Variants in KLHL28 observed in about 807,000 individuals in gnomAD.
KLHL28 encodes the protein kelch-like protein 28.
KLHL28 carries 22 observed loss-of-function variants against 48.3 expected under a neutral mutation model. That is an observed-to-expected ratio of 0.46 (90% confidence interval 0.33 to 0.65). KLHL28 has a LOEUF of 0.65. Among genes scored for constraint, KLHL28 ranks in the 30% least tolerant of loss-of-function variants. The pLI, the probability that KLHL28 is intolerant of heterozygous loss-of-function variation, is 0.03. For synonymous variants in KLHL28, 243 were observed against 242.4 expected (o/e 1.00, Z -0.02); for missense variants, 527 against 704.3 (o/e 0.75, Z 2.85).
intron 4 of KLHL28, 62 bp downstream of exon 4, chr14:44,931,271 G>A (rs1261280867): frequency 7.6e-6 from 7 of 915,312 alleles, no homozygotes; most frequent in African/African-American, 1.8e-5. Flanking sequence ...AACTATTATT[G>A]CAAGCACATC....
intron 4 of KLHL28, among the ~76,000 whole-genome samples, chr14:44,930,475 G>C (rs1883537453): frequency 6.6e-6 from 1 of 152,048 alleles, no homozygotes; most frequent in Non-Finnish European, 1.5e-5. Flanking sequence ...TGTTGCCCAG[G>C]CTGGTCTTGA....
intron 2 of KLHL28, among the ~76,000 whole-genome samples, chr14:44,941,407 A>T (rs886988713): frequency 2.0e-5 from 3 of 151,446 alleles, no homozygotes; most frequent in African/African-American, 7.3e-5. Flanking sequence ...TGAGGTGGGC[A>T]GATCACCTGA....
chr14:44,940,412 T>C (rs536814672), intron 2 of KLHL28, among the ~76,000 whole-genome samples: 4 of 152,360 alleles, frequency 2.6e-5, no homozygotes, highest in African/African-American at 9.6e-5. Flanking sequence ...AGATGAGTGA[T>C]GTGGCTGAAT....
chr14:44,950,478 C>A (rs1189150922), intron 1 of KLHL28, among the ~76,000 whole-genome samples: 1 of 152,128 alleles, frequency 6.6e-6, no homozygotes, highest in African/African-American at 2.4e-5. Context: ...AACTGGTACA[C>A]CATCAACATA....
At chr14:44,936,515 G>A (rs1883829389) in intron 2 of KLHL28, among the ~76,000 whole-genome samples, 3 of 152,136 alleles carry the variant, frequency 2.0e-5, no homozygotes, top group African/African-American at 7.2e-5. Flanking sequence ...CTTTTCAGTA[G>A]AATAAGAGGT....
chr14:44,940,716 T>C (rs1884035451), intron 2 of KLHL28, among the ~76,000 whole-genome samples: 1 of 152,186 alleles, frequency 6.6e-6, no homozygotes, highest in Non-Finnish European at 1.5e-5. Flanking sequence ...TTTCTCCTAT[T>C]CACAACTTTC....
chr14:44,932,012 T>G lies in KLHL28; in HGVS notation c.1344-471A>C, dbSNP rs180810829. On this transcript the variant is annotated intron_variant, in intron 3 of 4. Coordinates refer to ENST00000396128, the MANE Select transcript of KLHL28 (RefSeq NM_017658.5). ...ACTAACTGAATACAGACTTTTTTTT[T>G]TTGTTCCTAAATTTTATTTATTTAT... is the stretch of plus-strand genomic sequence containing the variant. 6.4e-4 allele frequency among the ~76,000 whole-genome samples: 98 copies of G among 152,044 alleles called. 4 individuals are homozygous for G. The highest frequency in any genetic ancestry group is 2.1e-3 in the African/African-American group (85 of 41,458).
chr14:44,959,695 T>G (rs1342426823), intron 1 of KLHL28, among the ~76,000 whole-genome samples: 1 of 152,180 alleles, frequency 6.6e-6, no homozygotes, highest in Non-Finnish European at 1.5e-5. Flanking sequence ...TTAACTACAT[T>G]CTTGAAATTA....
chr14:44,948,553 CTAAAGTA>C (rs558562615), intron 1 of KLHL28, among the ~76,000 whole-genome samples: 9 of 152,074 alleles, frequency 5.9e-5, no homozygotes, highest in Non-Finnish European at 1.0e-4. Flanking sequence ...AAGTGATTCT[CTAAAGTA>C]TAAAGTTCTA....
intron 1 of KLHL28, among the ~76,000 whole-genome samples, chr14:44,955,391 T>C (rs1215031475): frequency 6.6e-6 from 1 of 152,176 alleles, no homozygotes; most frequent in Non-Finnish European, 1.5e-5. Flanking sequence ...AGAACACTTC[T>C]AGCATTCAGA....
chr14:44,934,242 A>G lies in KLHL28; in HGVS notation c.1216T>C (p.Tyr406His). Residue 406 changes from tyrosine to histidine, a missense_variant, in exon 3 of 5, where the codon TAC (tyrosine) becomes CAC (histidine). Coordinates refer to ENST00000396128, the MANE Select transcript of KLHL28 (RefSeq NM_017658.5). ...TGCCATTTTCTTATTTTGGGAATGT[A>G]CTTCTCTACAGATTGTAAATAAGAT... ...GQSYLQSVEK[Y>H]IPKIRKWQPV... The G allele has an allele frequency of 6.2e-7, 1 of 1,614,160 alleles. No homozygotes were observed. Among genetic ancestry groups the G allele is most frequent in the Non-Finnish European group, 8.5e-7 (1 of 1,180,016 alleles).
Position 44,944,165 on chromosome 14 carries a change from T to C in KLHL28, c.899+865A>G, listed in dbSNP as rs78184313. Among the ~76,000 whole-genome samples, 974 of 152,282 alleles carry C rather than the reference T, an allele frequency of 6.4e-3. 9 individuals are homozygous for C. The highest frequency in any genetic ancestry group is 0.022 in the African/African-American group (905 of 41,556). The stretch of plus-strand genomic sequence containing the variant: ...CAAAAGTTTTCATGAAGCAATCCTA[T>C]CTAAGAAAAAGCAAAAATAACTTCA... On this transcript the variant is annotated intron_variant, in intron 2 of 4. Coordinates refer to ENST00000396128, the MANE Select transcript of KLHL28 (RefSeq NM_017658.5).
chr14:44,944,214 G>T (rs1884225310), intron 2 of KLHL28, among the ~76,000 whole-genome samples: 1 of 152,106 alleles, frequency 6.6e-6, no homozygotes, highest in Non-Finnish European at 1.5e-5. Context: ...ATGTATAAAA[G>T]TTACTAGTAT....
intron 2 of KLHL28, among the ~76,000 whole-genome samples, chr14:44,940,901 A>G (rs1399362022): frequency 1.3e-5 from 2 of 152,174 alleles, no homozygotes; most frequent in Non-Finnish European, 2.9e-5. Flanking sequence ...GGAGTTCAAG[A>G]CCAGCCTGAC....
At chr14:44,960,467 T>A (rs936084237) in intron 1 of KLHL28, among the ~76,000 whole-genome samples, 2 of 152,198 alleles carry the variant, frequency 1.3e-5, no homozygotes, top group Non-Finnish European at 2.9e-5. Context: ...ACATTTGAGC[T>A]TCTTAGGTTG....
intron 3 of KLHL28, among the ~76,000 whole-genome samples, chr14:44,933,300 CT>C (rs1883663207): frequency 6.7e-6 from 1 of 149,344 alleles, no homozygotes; most frequent in East Asian, 2.0e-4. Flanking sequence ...ACAATCTTTT[CT>C]TTTCTTTCTT....
chr14:44,937,901 G>A (rs1462336994), intron 2 of KLHL28, among the ~76,000 whole-genome samples: 1 of 152,104 alleles, frequency 6.6e-6, no homozygotes, highest in African/African-American at 2.4e-5. Context: ...CCACCATAAT[G>A]GTATTAACCC....
In KLHL28 at chr14:44,935,890, G is replaced by GTATATATATATATATATATATATACA. The variant is rs139707349; in HGVS notation, c.900-1333_900-1332insTGTATATATATATATATATATATATA. Among the ~76,000 whole-genome samples the GTATATATATATATATATATATATACA allele has an allele frequency of 5.1e-5, 3 of 59,094 alleles. 1 individual carries two copies. Among genetic ancestry groups the GTATATATATATATATATATATATACA allele is most frequent in the Non-Finnish European group, 1.3e-4 (3 of 22,778 alleles). The allele number at this position is 59,094 out of a possible 152,430, so 38.8% of individuals were successfully genotyped here. The stretch of plus-strand genomic sequence containing the variant: ...TATGTGTATGTATATATATATGTGT[G>GTATATATATATATATATATATATACA]TATATATATATATCTTTACCCTCCC... On this transcript the variant is annotated intron_variant, in intron 2 of 4. Coordinates refer to ENST00000396128, the MANE Select transcript of KLHL28 (RefSeq NM_017658.5).
rs1884308936 is a variant in KLHL28 at position 44,945,800 on chromosome 14, A to G, written c.129T>C (p.Asp43=). Residue 43 remains aspartate (D), a synonymous_variant, in exon 2 of 5, where the codon GAT becomes GAC. Transcript: ENST00000396128. The part of the protein sequence containing the change: ...ELCDIILRVG[D]VKIHAHKVVL... ...CCACTTTGTGAGCATGAATTTTAAC[A>G]TCACCTACTCGAAGAATGATGTCAC... 1 of 1,614,070 alleles carries G rather than the reference A, an allele frequency of 6.2e-7. No homozygotes were observed. Among genetic ancestry groups the G allele is most frequent in the South Asian group, 1.1e-5 (1 of 91,082 alleles).
Sources: allele counts gnomAD v4.1 joint callset (sites outside exome capture counted in the v4.1 genomes callset), GRCh38; gene constraint gnomAD v4.1.1; transcripts MANE v1.5; gene names NCBI Gene and HGNC (gene_info 2026-07-23, HGNC 2026-07-21).